The following ALDH1A3 variants were observed in gnomAD, a reference collection of about 807,000 sequenced individuals.
ALDH1A3 encodes the protein aldehyde dehydrogenase 1 family member A3.
In ALDH1A3, 28 loss-of-function variants were observed where a neutral mutation model predicts 57.5. The ratio of observed to expected loss-of-function variants is 0.49; its 90% CI spans 0.36 to 0.67. The LOEUF is 0.67. Ranked by LOEUF, ALDH1A3 falls within the 30% of genes least tolerant of loss-of-function variation. ALDH1A3 has a pLI of 0.00. For missense variants in ALDH1A3, 507 were observed against 669.4 expected (o/e 0.76, Z 2.68); for synonymous variants, 281 against 264.8 (o/e 1.06, Z -0.59).
At chr15:100,910,607 T>A (rs2041873818) in intron 12 of ALDH1A3, among the ~76,000 whole-genome samples, 1 of 152,238 alleles carries the variant, frequency 6.6e-6, no homozygotes, top group African/African-American at 2.4e-5. Context: ...CAGAAATGAA[T>A]GCTGGCAGCT....
At chr15:100,891,536 T>A (rs2041649834) in intron 3 of ALDH1A3, among the ~76,000 whole-genome samples, 1 of 152,264 alleles carries the variant, frequency 6.6e-6, no homozygotes, top group Admixed American at 6.5e-5. Context: ...CACTGGGCCG[T>A]TAGCGTCCGT....
At position 100,879,961 on chromosome 15, in the gene ALDH1A3, G is replaced by T; in HGVS notation, c.54G>T (p.Pro18=). The T allele has an allele frequency of 1.4e-6, 2 of 1,475,670 alleles. No individual in the cohort carries two copies. The highest frequency in any genetic ancestry group is 1.8e-6 in the Non-Finnish European group (2 of 1,112,336). The allele number at this position is 1,475,670 out of a possible 1,614,324, so 91.4% of individuals were successfully genotyped here. A position where few individuals can be genotyped will look rare whatever the true frequency, so the allele number is the denominator to read the frequency against. ...ACGGGCAGCCGGACAGGAAGCCGCC[G>T]GCCCTGCCGCGCCCCATCCGCAACC... ...VENGQPDRKP[P]ALPRPIRNLE... The change falls in exon 1 of 13, where the codon CCG becomes CCT. Residue 18 remains proline (P), a synonymous_variant. Coordinates refer to ENST00000329841, the MANE Select transcript of ALDH1A3 (RefSeq NM_000693.4).
At chr15:100,883,784 G>A (rs977253540) in intron 1 of ALDH1A3, among the ~76,000 whole-genome samples, 13 of 152,034 alleles carry the variant, frequency 8.6e-5, no homozygotes, top group South Asian at 4.1e-4. Context: ...GTATTAAGCC[G>A]GAGCTGTGGA....
chr15:100,887,836 C>T lies in ALDH1A3; in HGVS notation c.345+124C>T, dbSNP rs1291677872. Reference sequence around the variant, plus strand: ...TGTGTGGTCGTGGGTCTGTTCCATCCTCTGAGACACGGCTCTCTGGCAATA... The same window carrying T: ...TGTGTGGTCGTGGGTCTGTTCCATCTTCTGAGACACGGCTCTCTGGCAATA... On this transcript the variant is annotated intron_variant, in intron 3 of 12. Coordinates refer to ENST00000329841, the MANE Select transcript of ALDH1A3 (RefSeq NM_000693.4). The surrounding 1 kb of genome is among the most constrained non-coding windows in gnomAD (Gnocchi z 4.6). 1.7e-6 allele frequency: 2 copies of T among 1,180,756 alleles called. No homozygotes were observed. The highest frequency in any genetic ancestry group is 2.3e-6 in the Non-Finnish European group (2 of 884,696). The allele number at this position is 1,180,756 out of a possible 1,614,324, so 73.1% of individuals were successfully genotyped here. A position where few individuals can be genotyped will look rare whatever the true frequency, so the allele number is the denominator to read the frequency against.
chr15:100,888,335 C>G (rs1387336633), intron 3 of ALDH1A3: 3 of 152,180 alleles, frequency 2.0e-5, no homozygotes, highest in African/African-American at 7.2e-5. Flanking sequence ...TCTCGAACTC[C>G]TGGCCTCAGG....
intron 12 of ALDH1A3, among the ~76,000 whole-genome samples, chr15:100,912,777 AG>A (rs1312415638): frequency 6.6e-6 from 1 of 152,206 alleles, no homozygotes; most frequent in Non-Finnish European, 1.5e-5. Context: ...GGCTCAGGGA[AG>A]GCAAAGAACT....
intron 4 of ALDH1A3, 48 bp from the exon 5 acceptor site, chr15:100,892,897 C>T (rs773615296): frequency 1.3e-6 from 2 of 1,593,218 alleles, no homozygotes; most frequent in Non-Finnish European, 1.7e-6. Context: ...AAGTTCCTAA[C>T]CTGGACTAAG....
chr15:100,898,276 A>C, intron 8 of ALDH1A3, 91 bp downstream of exon 8: 1 of 1,159,674 alleles, frequency 8.6e-7, no homozygotes, highest in South Asian at 1.4e-5. Flanking sequence ...ACCAACTGAG[A>C]GTAAGATGTG....
At chr15:100,913,502 C>T (rs986061891) in intron 12 of ALDH1A3, 1 of 152,240 alleles carries the variant, frequency 6.6e-6, no homozygotes, top group Non-Finnish European at 1.5e-5. Context: ...TCTCATTTTG[C>T]TCTGCCTCTC....
chr15:100,902,665 C>T (rs995940733), intron 9 of ALDH1A3, among the ~76,000 whole-genome samples: 5 of 152,234 alleles, frequency 3.3e-5, no homozygotes, highest in Non-Finnish European at 7.3e-5. Context: ...CTGTGGGGGC[C>T]GTATTTCCCT....
At position 100,916,549 on chromosome 15, in the gene ALDH1A3, G is replaced by C. The variant is rs916912617; in HGVS notation, c.*1776G>C. 6.6e-6 allele frequency: 1 copy of C among 152,248 alleles called. No homozygotes were observed. The highest frequency in any genetic ancestry group is 2.4e-5 in the African/African-American group (1 of 41,440). 9.4% of individuals were successfully genotyped at this position (152,248 alleles called of 1,614,324 possible). On this transcript the variant is annotated 3_prime_UTR_variant, in exon 13 of 13. Transcript: ENST00000329841. ...TGTGGTGTGGTTTAAAAATCTATAGGCCTGGGAATTCCGATCCTAGCTGCA... is the reference window on the plus strand; with the variant it reads ...TGTGGTGTGGTTTAAAAATCTATAGCCCTGGGAATTCCGATCCTAGCTGCA...
At position 100,895,980 on chromosome 15, in the gene ALDH1A3, C is replaced by T. The variant is rs774404555; in HGVS notation, c.714C>T (p.Pro238=). ...GVVNIVPGFG[P]TVGAAISSHP... is the part of the protein sequence containing the mutation. ...TGAACATTGTGCCAGGATTCGGGCC[C>T]ACAGTGGGAGCAGCAATTTCTTCTC... The change falls in exon 7 of 13, where the codon CCC becomes CCT. Residue 238 remains proline (P), a synonymous_variant. Coordinates refer to ENST00000329841, the MANE Select transcript of ALDH1A3 (RefSeq NM_000693.4). The T allele has an allele frequency of 1.7e-5, 27 of 1,613,702 alleles. No individual in the cohort carries two copies. Among genetic ancestry groups the T allele is most frequent in the East Asian group, 2.2e-5 (1 of 44,890 alleles).
At chr15:100,902,361 G>T (rs1567172522) in intron 9 of ALDH1A3, among the ~76,000 whole-genome samples, 1 of 152,208 alleles carries the variant, frequency 6.6e-6, no homozygotes, top group Non-Finnish European at 1.5e-5. Context: ...ATTTTAGAAT[G>T]CTGTTGGGGT....
chr15:100,913,114 C>T (rs1223519098), intron 12 of ALDH1A3: 1 of 29,138 alleles, frequency 3.4e-5, no homozygotes, highest in Non-Finnish European at 7.6e-5. Flanking sequence ...GCCGAGATCG[C>T]GCCACTGCAC....
chr15:100,881,125 A>G (rs1335842703), intron 1 of ALDH1A3: 1 of 152,270 alleles, frequency 6.6e-6, no homozygotes, highest in Non-Finnish European at 1.5e-5. Flanking sequence ...AAGCGGAGAA[A>G]GTTGCAGGGC....
In ALDH1A3 at chr15:100,885,262, G is replaced by A; in HGVS notation, c.100-5G>A. The A allele has an allele frequency of 6.2e-7, 1 of 1,600,692 alleles. No homozygotes were observed. ...CTAATTGGTTACACTTCCTTTCCTGGTTAGATATTTATCAACAATGAATGG... is the reference window on the plus strand; with the variant it reads ...CTAATTGGTTACACTTCCTTTCCTGATTAGATATTTATCAACAATGAATGG... On this transcript the variant is annotated splice_region_variant and splice_polypyrimidine_tract_variant and intron_variant, in intron 1 of 12. Coordinates refer to ENST00000329841, the MANE Select transcript of ALDH1A3 (RefSeq NM_000693.4).
chr15:100,911,306 C>T (rs536809797), intron 12 of ALDH1A3, among the ~76,000 whole-genome samples: 4 of 152,374 alleles, frequency 2.6e-5, no homozygotes, highest in East Asian at 1.9e-4. Flanking sequence ...CGCCCACCCA[C>T]GGGCCCCTCC....
chr15:100,883,638 G>A (rs892509232), intron 1 of ALDH1A3, among the ~76,000 whole-genome samples: 2 of 140,608 alleles, frequency 1.4e-5, no homozygotes, highest in African/African-American at 5.6e-5. Context: ...AGCTTCAGAG[G>A]TTTTTGTGGG....
chr15:100,907,010 T>G, intron 10 of ALDH1A3, 111 bp from the exon 11 acceptor site: 1 of 1,218,482 alleles, frequency 8.2e-7, no homozygotes, highest in Non-Finnish European at 1.1e-6. Flanking sequence ...TTTTCAGGCA[T>G]GTGTGTGCTC....
Sources: gnomAD v4.1 joint callset for allele counts (sites outside exome capture counted in the v4.1 genomes callset) on GRCh38, gnomAD v4.1.1 for gene constraint, Gnocchi (gnomAD v3.1) non-coding constraint, MANE v1.5 for transcripts, NCBI Gene and HGNC (gene_info 2026-07-23, HGNC 2026-07-21) for gene names.